UBE2L3: variants seen among roughly 807,000 people sequenced by gnomAD.
UBE2L3 encodes the protein ubiquitin conjugating enzyme E2 L3.
In UBE2L3, 1 loss-of-function variant was observed where a neutral mutation model predicts 17.8. The observed-to-expected ratio is 0.06, with a 90% CI of 0.02 to 0.27. The LOEUF (loss-of-function observed/expected upper bound fraction) is 0.27. Among genes scored for constraint, UBE2L3 ranks in the 10% least tolerant of loss-of-function variants. UBE2L3 has a pLI of 1.00. For missense variants in UBE2L3, 40 were observed against 192.6 expected (o/e 0.21, Z 4.69); for synonymous variants, 44 against 68.5 (o/e 0.64, Z 1.76).
chr22:21,581,923 C>G (rs943737239), intron 1 of UBE2L3, among the ~76,000 whole-genome samples: 9 of 151,534 alleles, frequency 5.9e-5, no homozygotes, highest in African/African-American at 2.2e-4. Context: ...ACCAGCCTGG[C>G]CAACATGGCA....
chr22:21,569,731 A>G (rs573410365), intron 1 of UBE2L3, among the ~76,000 whole-genome samples: 2 of 151,928 alleles, frequency 1.3e-5, no homozygotes, highest in Non-Finnish European at 2.9e-5. Context: ...AGTAGCTACT[A>G]TTTTTCCAGC....
upstream of UBE2L3, among the ~76,000 whole-genome samples, chr22:21,567,005 G>A (rs140489): frequency 0.31 from 46,964 of 151,878 alleles, 8,393 homozygotes; most frequent in East Asian, 0.51. Context: ...GGTTTCAAGG[G>A]TTAAAGAAAA....
At chr22:21,612,058 G>T (rs1459529633) in intron 3 of UBE2L3, among the ~76,000 whole-genome samples, 1 of 152,206 alleles carries the variant, frequency 6.6e-6, no homozygotes, top group Non-Finnish European at 1.5e-5. Flanking sequence ...CCTGCACAGG[G>T]ATTGAGGAGG....
rs866341369 is a variant in UBE2L3 at position 21,621,772 on chromosome 22, C to T, written c.*103C>T. The T allele has an allele frequency of 3.1e-5, 26 of 846,510 alleles. No homozygotes were observed. The South Asian group carries it at 4.7e-4, about 15-fold the overall frequency. 52.4% of individuals were successfully genotyped at this position (846,510 alleles called of 1,614,324 possible). ...CTGTGGAAATTGACACGTGCCACCG[C>T]CTGGCGTTCGCTTGTGGCAGTTACT... On this transcript the variant is annotated 3_prime_UTR_variant, in exon 4 of 4. Transcript: ENST00000342192.
intron 1 of UBE2L3, among the ~76,000 whole-genome samples, chr22:21,559,168 G>GA (rs1298366203): frequency 9.9e-5 from 15 of 152,200 alleles, no homozygotes; most frequent in Non-Finnish European, 1.5e-4. Flanking sequence ...CTAACATGGT[G>GA]AAACCCCATC....
rs1255043408 is a variant in UBE2L3, at chr22:21,588,463, C to CTTT, written c.28-4378_28-4376dup. On this transcript the variant is annotated intron_variant, in intron 1 of 3. Coordinates refer to ENST00000342192, the MANE Select transcript of UBE2L3 (RefSeq NM_003347.4). ...TGAATGATTCCAATTTTTCTTCTTTCTTTTTTTTTTTTTTTTTTTTTTGAG... is the reference window on the plus strand; with the variant it reads ...TGAATGATTCCAATTTTTCTTCTTTCTTTTTTTTTTTTTTTTTTTTTTTTTGAG... Among the ~76,000 whole-genome samples the CTTT allele has an allele frequency of 9.1e-4, 94 of 103,304 alleles. 1 individual carries two copies. The highest frequency in any genetic ancestry group is 1.7e-3 in the African/African-American group (43 of 25,502). 67.8% of individuals were successfully genotyped at this position (103,304 alleles called of 152,430 possible). A position where few individuals can be genotyped will look rare whatever the true frequency, so the allele number is the denominator to read the frequency against.
At chr22:21,557,468 T>C (rs1926275067) in intron 1 of UBE2L3, among the ~76,000 whole-genome samples, 1 of 152,110 alleles carries the variant, frequency 6.6e-6, no homozygotes, top group South Asian at 2.1e-4. Context: ...TGGGAGGAGG[T>C]ATGCAGGAAG....
intron 1 of UBE2L3, among the ~76,000 whole-genome samples, chr22:21,562,045 C>T (rs1172864981): frequency 1.3e-5 from 2 of 152,082 alleles, no homozygotes; most frequent in East Asian, 3.9e-4. Flanking sequence ...CTCCTTCCAT[C>T]CCTGGTTCCT....
upstream of UBE2L3, among the ~76,000 whole-genome samples, chr22:21,565,264 T>C (rs1926587069): frequency 6.6e-6 from 1 of 151,660 alleles, no homozygotes. Context: ...GGCTAATTTT[T>C]TGTATTTTTA....
At chr22:21,610,811 GT>G (rs1348498060) in intron 2 of UBE2L3, 45 bp from the exon 3 acceptor site, 1 of 1,515,584 alleles carries the variant, frequency 6.6e-7, no homozygotes, top group Non-Finnish European at 8.8e-7. Flanking sequence ...TTGGCCATAG[GT>G]TTATGAACCA....
At chr22:21,608,311 G>A (rs369659255) in intron 2 of UBE2L3, among the ~76,000 whole-genome samples, 156 of 152,252 alleles carry the variant, frequency 1.0e-3, no homozygotes, top group African/African-American at 3.6e-3. Context: ...GTGCAGAAGC[G>A]TGATCACAGC....
At chr22:21,576,478 T>G (rs1927303274) in intron 1 of UBE2L3, among the ~76,000 whole-genome samples, 1 of 151,936 alleles carries the variant, frequency 6.6e-6, no homozygotes, top group African/African-American at 2.4e-5. Flanking sequence ...TTTTGTATTT[T>G]TAGTAGAGAC....
At chr22:21,563,435 TC>T (rs1006645799), upstream of UBE2L3, among the ~76,000 whole-genome samples, 1 of 118,606 alleles carries the variant, frequency 8.4e-6, no homozygotes, top group Non-Finnish European at 1.8e-5. Flanking sequence ...GGTGGCGGGC[TC>T]CCGTAGTCCC....
chr22:21,618,870 G>A (rs761032949), intron 3 of UBE2L3, among the ~76,000 whole-genome samples: 6 of 152,166 alleles, frequency 3.9e-5, no homozygotes, highest in Admixed American at 1.3e-4. Flanking sequence ...GGGAATACAG[G>A]TGTGAGCCAC....
chr22:21,576,947 G>A (rs2148406515), intron 1 of UBE2L3, among the ~76,000 whole-genome samples: 1 of 151,572 alleles, frequency 6.6e-6, no homozygotes, highest in African/African-American at 2.4e-5. Flanking sequence ...GGAATTACAG[G>A]CGTGTGCCAC....
chr22:21,620,402 G>T (rs1488217482), intron 3 of UBE2L3, among the ~76,000 whole-genome samples: 1 of 152,150 alleles, frequency 6.6e-6, no homozygotes, highest in Non-Finnish European at 1.5e-5. Context: ...CTGCACTCCA[G>T]TCTGAGTGAC....
At chr22:21,598,345 C>T (rs899899330) in intron 2 of UBE2L3, among the ~76,000 whole-genome samples, 1 of 151,888 alleles carries the variant, frequency 6.6e-6, no homozygotes, top group African/African-American at 2.4e-5. Flanking sequence ...CTGTAGATTC[C>T]CTTTGAGCAC....
chr22:21,615,404 A>T (rs1929714712), intron 3 of UBE2L3, among the ~76,000 whole-genome samples: 1 of 151,614 alleles, frequency 6.6e-6, no homozygotes, highest in Non-Finnish European at 1.5e-5. Context: ...AAATAAAAAA[A>T]ATTAGCCGAG....
At position 21,622,415 on chromosome 22, in the gene UBE2L3, TGGG is replaced by T. The variant is rs1462729783; in HGVS notation, c.*750_*752del. The stretch of plus-strand genomic sequence containing the variant: ...TCACAGGTCTGTGGTGGCCCCGAAA[TGGG>T]GGGCCTGCTAGTCAGGAGGATGCTG... On this transcript the variant is annotated 3_prime_UTR_variant, in exon 4 of 4. Transcript: ENST00000342192. The T allele has an allele frequency of 6.5e-6, 1 of 152,756 alleles. No homozygotes were observed. Among genetic ancestry groups the T allele is most frequent in the Non-Finnish European group, 1.5e-5 (1 of 68,078 alleles). 9.5% of individuals were successfully genotyped at this position (152,756 alleles called of 1,614,324 possible). A position where few individuals can be genotyped will look rare whatever the true frequency, so the allele number is the denominator to read the frequency against.
Sources: allele counts gnomAD v4.1 joint callset (sites outside exome capture counted in the v4.1 genomes callset), GRCh38; gene constraint gnomAD v4.1.1; transcripts MANE v1.5; gene names NCBI Gene and HGNC (gene_info 2026-07-23, HGNC 2026-07-21).